The following SLC35F1 variants were observed in gnomAD, a reference collection of about 807,000 sequenced individuals.
The protein encoded by SLC35F1 is chromosome 6 open reading frame 169.
In SLC35F1, 14 loss-of-function variants were observed where a neutral mutation model predicts 48.7. The ratio of observed to expected loss-of-function variants is 0.29; its 90% CI spans 0.19 to 0.45. The LOEUF is 0.45. Among genes scored for constraint, SLC35F1 ranks in the 20% least tolerant of loss-of-function variants. SLC35F1 has a pLI of 1.00. For missense variants in SLC35F1, 404 were observed against 500.0 expected (o/e 0.81, Z 1.83); for synonymous variants, 190 against 202.2 (o/e 0.94, Z 0.51).
intron 3 of SLC35F1, among the ~76,000 whole-genome samples, chr6:118,249,120 G>A (rs1001336466): frequency 6.6e-6 from 1 of 152,204 alleles, no homozygotes; most frequent in Non-Finnish European, 1.5e-5. Context: ...ATAAATATAT[G>A]TTGTTTATAA....
At chr6:118,305,821 G>A (rs986453806) in intron 7 of SLC35F1, among the ~76,000 whole-genome samples, 2 of 152,192 alleles carry the variant, frequency 1.3e-5, no homozygotes, top group Admixed American at 6.5e-5. Context: ...CCTCGTTTCT[G>A]TAACTGGTCA....
At chr6:118,001,781 G>A (rs528488080) in intron 1 of SLC35F1, among the ~76,000 whole-genome samples, 4 of 152,166 alleles carry the variant, frequency 2.6e-5, no homozygotes, top group Non-Finnish European at 4.4e-5. Context: ...CCATCAAAAA[G>A]TGGGCGAAGG....
chr6:118,180,272 G>T (rs913173679), intron 2 of SLC35F1, among the ~76,000 whole-genome samples: 2 of 151,994 alleles, frequency 1.3e-5, no homozygotes, highest in African/African-American at 4.8e-5. Flanking sequence ...TTTAAAATAG[G>T]ATCTCAAAGA....
intron 1 of SLC35F1, among the ~76,000 whole-genome samples, chr6:118,150,420 C>A (rs1270322667): frequency 6.6e-6 from 1 of 152,096 alleles, no homozygotes; most frequent in Non-Finnish European, 1.5e-5. Context: ...GGCGCATATA[C>A]ATAAGAAAGA....
chr6:118,072,519 G>C (rs149615086), intron 1 of SLC35F1, among the ~76,000 whole-genome samples: 2 of 152,006 alleles, frequency 1.3e-5, no homozygotes, highest in Non-Finnish European at 2.9e-5. Context: ...AGCAGAGATC[G>C]TGCCACTGCA....
intron 1 of SLC35F1, among the ~76,000 whole-genome samples, chr6:118,095,259 G>A (rs1773135987): frequency 6.6e-6 from 1 of 152,232 alleles, no homozygotes; most frequent in South Asian, 2.1e-4. Context: ...CAGAACATTA[G>A]TCTTAGTTTG....
chr6:118,279,696 GC>G (rs1240966214), intron 6 of SLC35F1, among the ~76,000 whole-genome samples: 1 of 152,182 alleles, frequency 6.6e-6, no homozygotes, highest in East Asian at 1.9e-4. Flanking sequence ...GGGAAGGTCA[GC>G]ACCCTCTCAA....
intron 2 of SLC35F1, among the ~76,000 whole-genome samples, chr6:118,179,183 C>CAT (rs535190452): frequency 5.0e-4 from 76 of 151,954 alleles, no homozygotes; most frequent in Non-Finnish European, 8.2e-4. Context: ...AATAAGAGAC[C>CAT]ATATATATAT....
intron 1 of SLC35F1, among the ~76,000 whole-genome samples, chr6:117,971,536 A>C (rs986709194): frequency 1.3e-5 from 2 of 152,254 alleles, no homozygotes; most frequent in Non-Finnish European, 2.9e-5. Flanking sequence ...TCCCTTCTGC[A>C]CTGCCCTAGC....
chr6:118,221,032 G>C (rs1166231490), intron 2 of SLC35F1, among the ~76,000 whole-genome samples: 4 of 152,040 alleles, frequency 2.6e-5, no homozygotes, highest in Non-Finnish European at 4.4e-5. Flanking sequence ...TTCCTCTCCT[G>C]GTTCTTGGCA....
chr6:118,278,490 C>G (rs976934487), intron 6 of SLC35F1, among the ~76,000 whole-genome samples: 1 of 152,198 alleles, frequency 6.6e-6, no homozygotes, highest in Non-Finnish European at 1.5e-5. Flanking sequence ...GCATATGAGG[C>G]CAACTTACTG....
intron 3 of SLC35F1, among the ~76,000 whole-genome samples, chr6:118,244,503 G>A (rs2114595349): frequency 6.6e-6 from 1 of 152,378 alleles, no homozygotes; most frequent in South Asian, 2.1e-4. Context: ...GAAATTTCTA[G>A]GGAAGGGCTA....
At chr6:117,967,145 A>C (rs1440133580) in intron 1 of SLC35F1, among the ~76,000 whole-genome samples, 1 of 152,200 alleles carries the variant, frequency 6.6e-6, no homozygotes, top group Non-Finnish European at 1.5e-5. Flanking sequence ...TATCATCCAA[A>C]TACTTGAAAG....
intron 1 of SLC35F1, among the ~76,000 whole-genome samples, chr6:118,066,769 A>C (rs1044038348): frequency 7.0e-5 from 10 of 143,852 alleles, no homozygotes; most frequent in African/African-American, 2.3e-4. Flanking sequence ...TTCTTGAGAC[A>C]GAGTCTCGCT....
chr6:117,912,654 T>A (rs917108746), intron 1 of SLC35F1, among the ~76,000 whole-genome samples: 60 of 125,786 alleles, frequency 4.8e-4, no homozygotes, highest in African/African-American at 1.5e-3. Flanking sequence ...GTGGTGTGAT[T>A]AAAAACAGAC....
At chr6:117,943,245 C>A (rs1400484359) in intron 1 of SLC35F1, among the ~76,000 whole-genome samples, 1 of 152,112 alleles carries the variant, frequency 6.6e-6, no homozygotes, top group Non-Finnish European at 1.5e-5. Context: ...GTGGAGGTAA[C>A]CAAAACACAT....
intron 1 of SLC35F1, among the ~76,000 whole-genome samples, chr6:117,971,021 CA>C (rs1388730531): frequency 6.6e-6 from 1 of 152,088 alleles, no homozygotes; most frequent in Non-Finnish European, 1.5e-5. Flanking sequence ...ATCATTAATC[CA>C]AAAGTCCAAT....
chr6:118,146,139 A>T (rs1403267735), intron 1 of SLC35F1, among the ~76,000 whole-genome samples: 3 of 152,120 alleles, frequency 2.0e-5, no homozygotes, highest in Non-Finnish European at 4.4e-5. Context: ...AGTGAGTGGG[A>T]ATGCCTCATT....
At chr6:118,056,764 C>G (rs1398712646) in intron 1 of SLC35F1, among the ~76,000 whole-genome samples, 1 of 152,094 alleles carries the variant, frequency 6.6e-6, no homozygotes, top group East Asian at 1.9e-4. Flanking sequence ...ATAGGCATTT[C>G]CATGAGCCTG....
Sources: allele counts gnomAD v4.1 joint callset (sites outside exome capture counted in the v4.1 genomes callset), GRCh38; gene constraint gnomAD v4.1.1; transcripts MANE v1.5; gene names NCBI Gene and HGNC (gene_info 2026-07-23, HGNC 2026-07-21).